NEIL2: variants seen among roughly 807,000 people sequenced by gnomAD.
NEIL2 encodes nei like DNA glycosylase 2.
NEIL2 carries 23 observed loss-of-function variants against 22.2 expected under a neutral mutation model. The observed-to-expected ratio is 1.04, with a 90% confidence interval of 0.75 to 1.47. NEIL2 has a LOEUF of 1.47. Ranked by LOEUF, NEIL2 falls within the 40% of genes most tolerant of loss-of-function variation. The pLI is 0.00. For missense variants in NEIL2, 583 were observed against 404.7 expected (o/e 1.44, Z -3.78); for synonymous variants, 229 against 164.8 (o/e 1.39, Z -2.99).
In NEIL2 at chr8:11,779,792, C is replaced by T. The variant is rs761755884; in HGVS notation, c.333C>T (p.Gly111=). The change falls in exon 3 of 5, where the codon GGC becomes GGT. Residue 111 remains glycine (G), a synonymous_variant. Coordinates refer to ENST00000284503, the MANE Select transcript of NEIL2 (RefSeq NM_145043.4). ...SSRSAELVPQ[G]EDDSEYLERD... is the part of the protein sequence containing the mutation. ...GGTCTGCAGAGCTCGTCCCCCAGGG[C>T]GAGGATGATTCTGAGTATTTGGAGA... 4.3e-6 allele frequency: 7 copies of T among 1,613,992 alleles called. No homozygotes were observed. The highest frequency in any genetic ancestry group is 1.1e-5 in the South Asian group (1 of 91,078).
rs770457534 is a variant in NEIL2, at chr8:11,786,256, C to T, written c.982C>T (p.Gln328Ter). 7 of 1,612,356 alleles carry T rather than the reference C, an allele frequency of 4.3e-6. No individual in the cohort carries two copies. Among genetic ancestry groups the T allele is most frequent in the Non-Finnish European group, 5.9e-6 (7 of 1,179,952 alleles). The change falls in exon 5 of 5, where the codon CAG (glutamine) becomes TAG (stop). Residue 328 changes from glutamine to a stop codon, truncating the protein, a stop_gained. Transcript: ENST00000284503. LOFTEE classifies it high-confidence loss of function. Reference sequence around the variant, plus strand: ...GCCCCAGTTGTCAGAGGAGCCAGAGCAGTGCCAGTTCTCCTAAGGAGCTGG... The same window carrying T: ...GCCCCAGTTGTCAGAGGAGCCAGAGTAGTGCCAGTTCTCCTAAGGAGCTGG... ...CQPQLSEEPE[Q>*]CQFS is the part of the protein sequence containing the mutation.
rs1187054931 is a variant in NEIL2 at position 11,783,225 on chromosome 8, G to A, written c.514G>A (p.Gly172Ser). ...CAGGTTGGTCCTGCACTTTGGTGGTGGTGGCTTCCTGGCATTTTATAATTG... is the reference window on the plus strand; with the variant it reads ...CAGGTTGGTCCTGCACTTTGGTGGTAGTGGCTTCCTGGCATTTTATAATTG... ...SPRLVLHFGG[G>S]GFLAFYNCQL... is the part of the protein sequence containing the mutation. The change falls in exon 4 of 5, where the codon GGT becomes AGT. Residue 172 changes from glycine to serine, a missense_variant. Coordinates refer to ENST00000284503, the MANE Select transcript of NEIL2 (RefSeq NM_145043.4). 1 of 1,614,118 alleles carries A rather than the reference G, an allele frequency of 6.2e-7. No homozygotes were observed. Among genetic ancestry groups the A allele is most frequent in the African/African-American group, 1.3e-5 (1 of 74,934 alleles).
chr8:11,786,428 G>A lies in NEIL2; in HGVS notation c.*155G>A. ...TTCGTCTCCCTGGAGTTATGTTGAAGGCAGAGTTTTCATAGGGTTAGATTT... is the reference window on the plus strand; with the variant it reads ...TTCGTCTCCCTGGAGTTATGTTGAAAGCAGAGTTTTCATAGGGTTAGATTT... On this transcript the variant is annotated 3_prime_UTR_variant, in exon 5 of 5. Transcript: ENST00000284503. 2 of 738,578 alleles carry A rather than the reference G, an allele frequency of 2.7e-6. No individual in the cohort carries two copies. Among genetic ancestry groups the A allele is most frequent in the Admixed American group, 2.2e-5 (1 of 44,586 alleles). 45.8% of individuals were successfully genotyped at this position (738,578 alleles called of 1,614,324 possible). A position where few individuals can be genotyped will look rare whatever the true frequency, so the allele number is the denominator to read the frequency against.
At position 11,779,698 on chromosome 8, in the gene NEIL2, A is replaced by C. The variant is rs1323071803; in HGVS notation, c.239A>C (p.Lys80Thr). The change falls in exon 3 of 5, where the codon AAG (lysine) becomes ACG (threonine). Residue 80 changes from lysine to threonine, a missense_variant. Coordinates refer to ENST00000284503, the MANE Select transcript of NEIL2 (RefSeq NM_145043.4). ...GAGCCTCCACAAAAAGAAGTGCAGA[A>C]GGAAGGGGCTGCGGACCCAAAGCAG... ...TPEPPQKEVQ[K>T]EGAADPKQVG... 6.2e-7 allele frequency: 1 copy of C among 1,613,976 alleles called. No individual in the cohort carries two copies. Among genetic ancestry groups the C allele is most frequent in the African/African-American group, 1.3e-5 (1 of 74,940 alleles).
intron 2 of NEIL2, 109 bp from the exon 3 acceptor site, chr8:11,779,489 C>G: frequency 3.3e-6 from 3 of 909,792 alleles, no homozygotes; most frequent in Non-Finnish European, 5.4e-6. Context: ...TTTGGGAAGG[C>G]CCCCCAGGAG....
chr8:11,781,090 C>G (rs1442377094), intron 3 of NEIL2, among the ~76,000 whole-genome samples: 1 of 152,180 alleles, frequency 6.6e-6, no homozygotes, highest in Non-Finnish European at 1.5e-5. Context: ...AAAAAGGCCC[C>G]TTCTGCCCCC....
At chr8:11,785,688 G>A (rs553190735) in intron 4 of NEIL2, among the ~76,000 whole-genome samples, 9 of 152,250 alleles carry the variant, frequency 5.9e-5, no homozygotes, top group Non-Finnish European at 1.2e-4. Flanking sequence ...CTTGAGCTGC[G>A]ATTCAAGTGC....
chr8:11,771,174 G>T (rs1421487872), intron 1 of NEIL2, among the ~76,000 whole-genome samples: 1 of 152,178 alleles, frequency 6.6e-6, no homozygotes. Flanking sequence ...CCCATGATGT[G>T]CTGCCTAGCA....
chr8:11,776,740 C>G (rs112476451), intron 2 of NEIL2, among the ~76,000 whole-genome samples: 1 of 152,168 alleles, frequency 6.6e-6, no homozygotes, highest in African/African-American at 2.4e-5. Flanking sequence ...CCTGGGGTCA[C>G]GATGGGTAGG....
chr8:11,780,579 A>G (rs1804322811), intron 3 of NEIL2, among the ~76,000 whole-genome samples: 1 of 152,170 alleles, frequency 6.6e-6, no homozygotes, highest in Non-Finnish European at 1.5e-5. Flanking sequence ...GGGTTTCACC[A>G]TGTTGGACAG....
Position 11,785,999 on chromosome 8 carries a change from G to A in NEIL2, c.725G>A (p.Gly242Glu), listed in dbSNP as rs566694214. 29 of 1,614,056 alleles carry A rather than the reference G, an allele frequency of 1.8e-5. 1 individual carries two copies. The South Asian group carries it at 3.1e-4, about 17-fold the overall frequency. Residue 242 changes from glycine (G) to glutamate (E), a missense_variant, in exon 5 of 5, where the codon GGG becomes GAG. Gly to Glu is a moderately conservative substitution (Grantham distance 98). Coordinates refer to ENST00000284503, the MANE Select transcript of NEIL2 (RefSeq NM_145043.4). ...IIKNEALYRA[G>E]IHPLSLGSVL... ...AAGAATGAAGCCTTGTACAGAGCTG[G>A]GATCCATCCCCTTTCTCTCGGTTCA...
At chr8:11,779,413 A>G (rs8191606) in intron 2 of NEIL2, among the ~76,000 whole-genome samples, 185 bp from the exon 3 acceptor site, 9,293 of 152,252 alleles carry the variant, frequency 0.061, 378 homozygotes, top group Middle Eastern at 0.11. Flanking sequence ...AGTCACTTTG[A>G]AAACCACATG....
At chr8:11,785,843 G>C (rs889669146) in intron 4 of NEIL2, 120 bp from the exon 5 acceptor site, 4 of 884,486 alleles carry the variant, frequency 4.5e-6, no homozygotes, top group Non-Finnish European at 5.7e-6. Context: ...AGAGATCGCA[G>C]ACCCGTCTAG....
At chr8:11,780,474 A>G (rs1221489958) in intron 3 of NEIL2, among the ~76,000 whole-genome samples, 2 of 152,110 alleles carry the variant, frequency 1.3e-5, no homozygotes, top group Admixed American at 6.5e-5. Context: ...TCTGCCTCCC[A>G]GGTTCAACCA....
chr8:11,786,780 G>A lies in NEIL2; in HGVS notation c.*507G>A. 5.6e-6 allele frequency: 1 copy of A among 177,546 alleles called. No homozygotes were observed. The highest frequency in any genetic ancestry group is 1.2e-5 in the Non-Finnish European group (1 of 83,564). 11.0% of individuals were successfully genotyped at this position (177,546 alleles called of 1,614,324 possible). A position where few individuals can be genotyped will look rare whatever the true frequency, so the allele number is the denominator to read the frequency against. On this transcript the variant is annotated 3_prime_UTR_variant, in exon 5 of 5. Transcript: ENST00000284503. ...AGCCTCCAGAGTAGCTGGGACTACAGGCATGTGATATGATGCTCGGCTGAT... is the reference window on the plus strand; with the variant it reads ...AGCCTCCAGAGTAGCTGGGACTACAAGCATGTGATATGATGCTCGGCTGAT...
At chr8:11,777,969 A>T (rs1237791755) in intron 2 of NEIL2, among the ~76,000 whole-genome samples, 1 of 152,198 alleles carries the variant, frequency 6.6e-6, no homozygotes, top group Non-Finnish European at 1.5e-5. Context: ...TTTTTGAGGA[A>T]CACATTGAAA....
chr8:11,782,026 T>A (rs1174191899), intron 3 of NEIL2, among the ~76,000 whole-genome samples: 1 of 152,064 alleles, frequency 6.6e-6, no homozygotes, highest in African/African-American at 2.4e-5. Flanking sequence ...ATTGTGCCAC[T>A]ATACTCCAGC....
rs1804224058 is a variant in NEIL2, at chr8:11,779,684, A to G, written c.225A>G (p.Gln75=). ...PGSSPTPEPP[Q]KEVQKEGAAD... ...GCAGCCCAACACCAGAGCCTCCACAAAAAGAAGTGCAGAAGGAAGGGGCTG... is the reference window on the plus strand; with the variant it reads ...GCAGCCCAACACCAGAGCCTCCACAGAAAGAAGTGCAGAAGGAAGGGGCTG... Residue 75 remains glutamine (Q), a synonymous_variant, in exon 3 of 5, where the codon CAA becomes CAG. Transcript: ENST00000284503. 3.7e-6 allele frequency: 6 copies of G among 1,613,844 alleles called. No homozygotes were observed. Among genetic ancestry groups the G allele is most frequent in the Non-Finnish European group, 4.2e-6 (5 of 1,179,988 alleles).
chr8:11,786,191 A>G lies in NEIL2; in HGVS notation c.917A>G (p.Asp306Gly), dbSNP rs770676301. 1.5e-5 allele frequency: 25 copies of G among 1,613,644 alleles called. No homozygotes were observed. The South Asian group carries it at 2.6e-4, about 17-fold the overall frequency. The change falls in exon 5 of 5, where the codon GAT (aspartate) becomes GGT (glycine). Residue 306 changes from aspartate (D) to glycine (G), a missense_variant. Transcript: ENST00000284503. ...ATGAAGGAGGCGTTTGGGCCCGAAG[A>G]TGGGTTACAGAGGCTCACCTGGTGG... Reference protein sequence around the residue: ...QVMKEAFGPEDGLQRLTWWCP... With the variant: ...QVMKEAFGPEGGLQRLTWWCP...
Sources: gnomAD v4.1 joint callset for allele counts (sites outside exome capture counted in the v4.1 genomes callset) on GRCh38, gnomAD v4.1.1 for gene constraint, MANE v1.5 for transcripts, NCBI Gene and HGNC (gene_info 2026-07-23, HGNC 2026-07-21) for gene names.